GRM5: variants seen among roughly 807,000 people sequenced by gnomAD.
The protein encoded by GRM5 is glutamate metabotropic receptor 5, also known as metabotropic glutamate receptor 5.
A neutral mutation model predicts 83.1 loss-of-function variants in GRM5; 19 were observed. The observed-to-expected ratio is 0.23, with a 90% CI of 0.16 to 0.34. The LOEUF (loss-of-function observed/expected upper bound fraction) is 0.34. GRM5 is among the 10% of genes least tolerant of loss of function. GRM5 has a pLI of 1.00. For missense variants in GRM5, 1,160 were observed against 1,588.3 expected (o/e 0.73, Z 4.58); for synonymous variants, 675 against 633.6 (o/e 1.07, Z -0.98).
At chr11:88,928,291 G>T (rs1386113539) in intron 2 of GRM5, among the ~76,000 whole-genome samples, 2 of 152,002 alleles carry the variant, frequency 1.3e-5, no homozygotes, top group Admixed American at 6.6e-5. Flanking sequence ...ATTTCTCTGG[G>T]CCCCAGTTAC....
chr11:88,853,810 T>A (rs1426460277), intron 2 of GRM5, among the ~76,000 whole-genome samples: 1 of 151,696 alleles, frequency 6.6e-6, no homozygotes, highest in African/African-American at 2.4e-5. Context: ...TTATCCTGTT[T>A]TAGGGATAAA....
chr11:88,864,686 G>T (rs756821911), intron 2 of GRM5, among the ~76,000 whole-genome samples: 27 of 151,898 alleles, frequency 1.8e-4, no homozygotes, highest in Non-Finnish European at 3.5e-4. Flanking sequence ...GATTACCCTG[G>T]CCAGAACTTC....
intron 3 of GRM5, among the ~76,000 whole-genome samples, chr11:88,826,316 A>G (rs1025106389): frequency 6.6e-6 from 1 of 152,090 alleles, no homozygotes; most frequent in African/African-American, 2.4e-5. Context: ...TAAGTATTAA[A>G]TATTTAGTAC....
chr11:88,522,557 G>T (rs1941723931), intron 9 of GRM5, among the ~76,000 whole-genome samples: 1 of 139,968 alleles, frequency 7.1e-6, no homozygotes, highest in Non-Finnish European at 1.6e-5. Context: ...GCTTAAGCAT[G>T]GCAGGTCTCT....
rs988262822 is a variant in GRM5 at position 88,506,022 on chromosome 11, T to C, written c.*2570A>G. 2 of 152,218 alleles carry C rather than the reference T, an allele frequency of 1.3e-5. No homozygotes were observed. The highest frequency in any genetic ancestry group is 2.4e-5 in the African/African-American group (1 of 41,454). 9.4% of individuals were successfully genotyped at this position (152,218 alleles called of 1,614,324 possible). ...CAAGAATGCATTACTAATAATCTTA[T>C]GTCCAACATACAATGTATTCAATGG... On this transcript the variant is annotated 3_prime_UTR_variant, in exon 10 of 10. Transcript: ENST00000305447.
At chr11:88,975,828 C>A (rs1167530514) in intron 2 of GRM5, among the ~76,000 whole-genome samples, 1 of 152,166 alleles carries the variant, frequency 6.6e-6, no homozygotes, top group African/African-American at 2.4e-5. Context: ...GGCTTTGAAG[C>A]CAAACATTGG....
intron 8 of GRM5, among the ~76,000 whole-genome samples, chr11:88,530,112 A>G (rs534564050): frequency 1.3e-5 from 2 of 152,124 alleles, no homozygotes; most frequent in Non-Finnish European, 2.9e-5. Context: ...AACTATGTAG[A>G]CAGTGGAAAG....
intron 2 of GRM5, among the ~76,000 whole-genome samples, chr11:88,967,248 CATATATATATAT>C (rs61389354): frequency 0.56 from 79,975 of 141,566 alleles, 22,570 homozygotes; most frequent in South Asian, 0.67. Flanking sequence ...TATATATACA[CATATATATATAT>C]ATATATATAT....
chr11:88,792,789 T>C (rs542267543), intron 3 of GRM5, among the ~76,000 whole-genome samples: 1 of 152,066 alleles, frequency 6.6e-6, no homozygotes, highest in Non-Finnish European at 1.5e-5. Context: ...CAATTATTAG[T>C]GTTTTTTTAA....
intron 3 of GRM5, among the ~76,000 whole-genome samples, chr11:88,844,320 G>A (rs1944259289): frequency 6.6e-6 from 1 of 150,786 alleles, no homozygotes; most frequent in Non-Finnish European, 1.5e-5. Flanking sequence ...TTAAAGCATG[G>A]TTTACTGAAT....
intron 4 of GRM5, among the ~76,000 whole-genome samples, chr11:88,637,653 C>T (rs2135281133): frequency 6.8e-6 from 1 of 146,556 alleles, no homozygotes; most frequent in South Asian, 2.4e-4. Flanking sequence ...AGTCAGGAAA[C>T]AACAGGTGCT....
chr11:88,937,722 A>G (rs1433999953), intron 2 of GRM5, among the ~76,000 whole-genome samples: 2 of 151,660 alleles, frequency 1.3e-5, no homozygotes, highest in Non-Finnish European at 3.0e-5. Flanking sequence ...ACAAATTTTA[A>G]AGCAAATTCA....
At chr11:88,864,870 C>T (rs1009745173) in intron 2 of GRM5, among the ~76,000 whole-genome samples, 7 of 151,870 alleles carry the variant, frequency 4.6e-5, no homozygotes, top group South Asian at 4.1e-4. Flanking sequence ...GAGTTTTTAG[C>T]GTAAAGGGGT....
At chr11:88,594,926 G>A (rs1018027512) in intron 6 of GRM5, among the ~76,000 whole-genome samples, 38 of 151,902 alleles carry the variant, frequency 2.5e-4, no homozygotes, top group African/African-American at 8.9e-4. Flanking sequence ...TTTTCCTTAC[G>A]GCATTGCATA....
At chr11:88,866,580 C>T (rs1459423386) in intron 2 of GRM5, among the ~76,000 whole-genome samples, 1 of 151,764 alleles carries the variant, frequency 6.6e-6, no homozygotes, top group Admixed American at 6.6e-5. Flanking sequence ...AATAAAAGCA[C>T]ATAAAATGAA....
intron 4 of GRM5, among the ~76,000 whole-genome samples, chr11:88,644,356 C>A (rs1264535372): frequency 3.9e-5 from 6 of 152,134 alleles, no homozygotes; most frequent in Non-Finnish European, 7.4e-5. Context: ...CAGCATTTAT[C>A]TAACAACATT....
At position 88,508,669 on chromosome 11, in the gene GRM5, C is replaced by T. The variant is rs769780408; in HGVS notation, c.3562G>A (p.Ala1188Thr). The T allele has an allele frequency of 6.2e-7, 1 of 1,608,722 alleles. No individual in the cohort carries two copies. The highest frequency in any genetic ancestry group is 1.7e-5 in the Admixed American group (1 of 59,792). ...TTPNSPVSES[A>T]LCIPSSPKYD... Reference sequence around the variant, plus strand: ...TTGGGAGACGACGGGATACAGAGGGCCGACTCGGACACTGGCGAGTTGGGG... The same window carrying T: ...TTGGGAGACGACGGGATACAGAGGGTCGACTCGGACACTGGCGAGTTGGGG... Residue 1188 changes from alanine (A) to threonine (T), a missense_variant, in exon 10 of 10, where the codon GCC becomes ACC. Around this residue, in one of 9 missense-constraint regions of GRM5, gnomAD observed 562 missense variants for 532.4 expected, o/e 1.06. Coordinates refer to ENST00000305447, the MANE Select transcript of GRM5 (RefSeq NM_001143831.3). This position sits in a 1 kb window ranked among gnomAD's most constrained non-coding sequence, Gnocchi z 4.2.
chr11:88,862,740 C>T lies in GRM5; in HGVS notation c.662-12585G>A, dbSNP rs537260629. Among the ~76,000 whole-genome samples the T allele has an allele frequency of 3.9e-5, 6 of 152,028 alleles. No homozygotes were observed. The East Asian group carries it at 1.2e-3, about 29-fold the overall frequency. ...CCTGTGCCATGGGTATTTGCTGCAC[C>T]TATCAACTCATCACCTAGGTATTAA... is the stretch of plus-strand genomic sequence containing the variant. On this transcript the variant is annotated intron_variant, in intron 2 of 9. Coordinates refer to ENST00000305447, the MANE Select transcript of GRM5 (RefSeq NM_001143831.3).
intron 2 of GRM5, among the ~76,000 whole-genome samples, chr11:88,967,197 G>A (rs1591004258): frequency 7.6e-6 from 1 of 130,964 alleles, no homozygotes; most frequent in East Asian, 2.2e-4. Context: ...GAAGATATAT[G>A]TGTGTGTGTG....
Sources: allele counts gnomAD v4.1 joint callset (sites outside exome capture counted in the v4.1 genomes callset), GRCh38; gene constraint gnomAD v4.1.1; regional missense constraint gnomAD v4.1.1; non-coding constraint Gnocchi (gnomAD v3.1); transcripts MANE v1.5; gene names NCBI Gene and HGNC (gene_info 2026-07-23, HGNC 2026-07-21).